Variants in ZFPM2 observed in about 807,000 individuals in gnomAD.
ZFPM2 encodes the protein zinc finger protein, FOG family member 2.
ZFPM2 carries 20 observed loss-of-function variants against 98.6 expected under a neutral mutation model. The observed-to-expected ratio is 0.20, with a 90% CI of 0.14 to 0.29. ZFPM2 has a LOEUF of 0.29. ZFPM2 is among the 10% of genes least tolerant of loss of function. The pLI is 1.00. For synonymous variants in ZFPM2, 518 were observed against 502.7 expected (o/e 1.03, Z -0.41); for missense variants, 1,310 against 1,388.6 (o/e 0.94, Z 0.90).
At chr8:105,363,386 G>T (rs1294400505) in intron 1 of ZFPM2, among the ~76,000 whole-genome samples, 1 of 151,996 alleles carries the variant, frequency 6.6e-6, no homozygotes, top group East Asian at 1.9e-4. Context: ...AAATTATTTT[G>T]TTCTGCAATA....
chr8:105,613,414 G>T (rs565671181), intron 4 of ZFPM2, among the ~76,000 whole-genome samples: 12 of 152,160 alleles, frequency 7.9e-5, no homozygotes, highest in African/African-American at 2.9e-4. Flanking sequence ...AGAAGCTGAT[G>T]AATTTTAGTA....
At chr8:105,347,313 A>G (rs1007822835) in intron 1 of ZFPM2, among the ~76,000 whole-genome samples, 2 of 152,230 alleles carry the variant, frequency 1.3e-5, no homozygotes, top group African/African-American at 2.4e-5. Flanking sequence ...TGATGTCAAT[A>G]AAAACCTTAT....
In ZFPM2 at chr8:105,359,367, CT is replaced by C. The variant is rs111675257; in HGVS notation, c.40+40401del. Among the ~76,000 whole-genome samples the C allele has an allele frequency of 5.6e-3, 760 of 135,280 alleles. 3 individuals are homozygous for C. Among genetic ancestry groups the C allele is most frequent in the African/African-American group, 9.5e-3 (355 of 37,304 alleles). The allele number at this position is 135,280 out of a possible 152,430, so 88.7% of individuals were successfully genotyped here. ...CTTTCTTTTCTTTTTCTTTTTCTTT[CT>C]TTTTTTTTTTTTTTGTTGTTGTTTT... is the stretch of plus-strand genomic sequence containing the variant. On this transcript the variant is annotated intron_variant, in intron 1 of 7. Coordinates refer to ENST00000407775, the MANE Select transcript of ZFPM2 (RefSeq NM_012082.4).
chr8:105,460,277 T>C (rs1812679360), intron 3 of ZFPM2, among the ~76,000 whole-genome samples: 1 of 152,076 alleles, frequency 6.6e-6, no homozygotes, highest in South Asian at 2.1e-4. Context: ...TTCCAAATCC[T>C]GGAGAATTTA....
At chr8:105,555,445 A>C (rs772782663) in intron 3 of ZFPM2, among the ~76,000 whole-genome samples, 1 of 152,200 alleles carries the variant, frequency 6.6e-6, no homozygotes, top group Non-Finnish European at 1.5e-5. Context: ...ACATATTAAG[A>C]CAACTCTCTT....
intron 5 of ZFPM2, among the ~76,000 whole-genome samples, chr8:105,734,797 A>G (rs1812030161): frequency 6.6e-6 from 1 of 151,782 alleles, no homozygotes; most frequent in African/African-American, 2.4e-5. Context: ...TACCTCTTTT[A>G]TAGTCCTTTT....
intron 5 of ZFPM2, among the ~76,000 whole-genome samples, chr8:105,698,863 T>C (rs1811077079): frequency 6.6e-6 from 1 of 152,172 alleles, no homozygotes; most frequent in Non-Finnish European, 1.5e-5. Flanking sequence ...TAATATCTTT[T>C]CATCTAGAAC....
At chr8:105,533,259 A>G (rs1394537536) in intron 3 of ZFPM2, among the ~76,000 whole-genome samples, 4 of 152,258 alleles carry the variant, frequency 2.6e-5, no homozygotes, top group African/African-American at 9.6e-5. Context: ...TGGACTGGCC[A>G]TAAAAGGACA....
chr8:105,402,181 C>T (rs149540892), intron 1 of ZFPM2, among the ~76,000 whole-genome samples: 1,976 of 152,046 alleles, frequency 0.013, 13 homozygotes, highest in Non-Finnish European at 0.023. Flanking sequence ...TTTATGTTGA[C>T]TTGTAAAATC....
At chr8:105,761,668 A>G (rs1052672495) in intron 5 of ZFPM2, among the ~76,000 whole-genome samples, 3 of 151,900 alleles carry the variant, frequency 2.0e-5, no homozygotes, top group African/African-American at 7.2e-5. Context: ...TTGTCTCAAG[A>G]TATTTCTTTG....
intron 5 of ZFPM2, among the ~76,000 whole-genome samples, chr8:105,700,132 T>C (rs1349995064): frequency 5.3e-5 from 8 of 152,168 alleles, no homozygotes; most frequent in Admixed American, 1.3e-4. Context: ...CGCATTAGGG[T>C]ATCAAAACAT....
chr8:105,619,072 T>TATA (rs977851933), intron 4 of ZFPM2, among the ~76,000 whole-genome samples: 2 of 152,170 alleles, frequency 1.3e-5, no homozygotes, highest in Non-Finnish European at 2.9e-5. Context: ...GATTAGGTTT[T>TATA]AAACATAGTT....
chr8:105,366,542 A>G (rs1231121758), intron 1 of ZFPM2, among the ~76,000 whole-genome samples: 1 of 151,588 alleles, frequency 6.6e-6, no homozygotes, highest in Non-Finnish European at 1.5e-5. Flanking sequence ...ATTATACTTT[A>G]AGTTTTAGGG....
At position 105,788,843 on chromosome 8, in the gene ZFPM2, C is replaced by T; in HGVS notation, c.658C>T (p.Pro220Ser). Reference sequence around the variant, plus strand: ...GATGACTCTCACAGAAGGGATGTACCCTGCACGCCTGCTGGACTCAATTCA... The same window carrying T: ...GATGACTCTCACAGAAGGGATGTACTCTGCACGCCTGCTGGACTCAATTCA... ...SQMTLTEGMY[P>S]ARLLDSIQLL... The change falls in exon 6 of 8, where the codon CCT (proline) becomes TCT (serine). Residue 220 changes from proline (P) to serine (S), a missense_variant. Transcript: ENST00000407775. 1 of 1,613,870 alleles carries T rather than the reference C, an allele frequency of 6.2e-7. No individual in the cohort carries two copies. Among genetic ancestry groups the T allele is most frequent in the Non-Finnish European group, 8.5e-7 (1 of 1,179,864 alleles).
chr8:105,587,721 A>T (rs1464117459), intron 4 of ZFPM2, among the ~76,000 whole-genome samples: 1 of 152,204 alleles, frequency 6.6e-6, no homozygotes, highest in African/African-American at 2.4e-5. Context: ...TAGGTTAGTT[A>T]TATGGAATAA....
chr8:105,341,099 G>GA (rs1344542346), intron 1 of ZFPM2, among the ~76,000 whole-genome samples: 1 of 151,860 alleles, frequency 6.6e-6, no homozygotes, highest in Non-Finnish European at 1.5e-5. Flanking sequence ...GTAAAGCCAG[G>GA]AAAAAAGCAG....
chr8:105,522,731 A>G (rs1339501284), intron 3 of ZFPM2, among the ~76,000 whole-genome samples: 2 of 150,770 alleles, frequency 1.3e-5, no homozygotes, highest in Admixed American at 6.6e-5. Flanking sequence ...CTCCAGCAAC[A>G]GAGCAAGACT....
At chr8:105,738,439 G>C (rs1194961503) in intron 5 of ZFPM2, among the ~76,000 whole-genome samples, 5 of 152,052 alleles carry the variant, frequency 3.3e-5, no homozygotes, top group Admixed American at 3.3e-4. Flanking sequence ...CATTTAGGTT[G>C]ATTCCATGGC....
chr8:105,340,519 A>C (rs1812409724), intron 1 of ZFPM2, among the ~76,000 whole-genome samples: 2 of 151,966 alleles, frequency 1.3e-5, no homozygotes, highest in Non-Finnish European at 2.9e-5. Context: ...TCCTACTTTT[A>C]ATGTCCCTGA....
Sources: allele counts gnomAD v4.1 joint callset (sites outside exome capture counted in the v4.1 genomes callset), GRCh38; gene constraint gnomAD v4.1.1; transcripts MANE v1.5; gene names NCBI Gene and HGNC (gene_info 2026-07-23, HGNC 2026-07-21).